BLK: variants seen among roughly 807,000 people sequenced by gnomAD.
BLK encodes the protein BLK proto-oncogene, Src family tyrosine kinase, also known as tyrosine-protein kinase Blk.
Under a neutral mutation model 61.8 loss-of-function variants are expected in BLK, and 64 were observed. That is an observed-to-expected ratio of 1.03 (90% CI 0.85 to 1.27). The LOEUF (loss-of-function observed/expected upper bound fraction) is 1.27, where lower values mean the gene tolerates loss of function less well. Ranked by LOEUF, BLK falls within the 50% of genes most tolerant of loss-of-function variation. The pLI, the probability that BLK is intolerant of heterozygous loss-of-function variation, is 0.00. For synonymous variants in BLK, 351 were observed against 272.0 expected, an observed-to-expected ratio of 1.29 and a Z score of -2.86; for missense variants, 853 against 660.5, an observed-to-expected ratio of 1.29 and a Z score of -3.19.
chr8:11,547,510 G>T (rs551451781), intron 3 of BLK, among the ~76,000 whole-genome samples: 1 of 152,226 alleles, frequency 6.6e-6, no homozygotes, highest in Non-Finnish European at 1.5e-5. Context: ...GCCCGGCAGG[G>T]TCACTGGCAG....
chr8:11,504,359 GGAAGGAAGAAAGAAAAGAAAAGA>G (rs1222171188), intron 1 of BLK, among the ~76,000 whole-genome samples: 14 of 100,424 alleles, frequency 1.4e-4, no homozygotes, highest in East Asian at 2.2e-4. Flanking sequence ...AAGGAAGGAA[GGAAGGAAGAAAGAAAAGAAAAGA>G]AAAGAAAAGA....
chr8:11,505,108 G>A (rs116431579), intron 1 of BLK, among the ~76,000 whole-genome samples: 1 of 152,000 alleles, frequency 6.6e-6, no homozygotes, highest in Non-Finnish European at 1.5e-5. Context: ...AGATACACAG[G>A]CACACATACA....
intron 1 of BLK, among the ~76,000 whole-genome samples, chr8:11,504,857 G>A (rs1036760051): frequency 4.6e-5 from 7 of 152,134 alleles, no homozygotes; most frequent in African/African-American, 1.7e-4. Flanking sequence ...AGGATTTTAC[G>A]ACAAGAAACA....
At chr8:11,541,464 G>T (rs1189777501) in intron 1 of BLK, among the ~76,000 whole-genome samples, 1 of 151,168 alleles carries the variant, frequency 6.6e-6, no homozygotes, top group Non-Finnish European at 1.5e-5. Context: ...CTAAAATTCA[G>T]TAGCCAGCCG....
intron 2 of BLK, 33 bp from the exon 3 acceptor site, chr8:11,546,019 T>G: frequency 1.2e-6 from 2 of 1,612,270 alleles, no homozygotes; most frequent in Non-Finnish European, 1.7e-6. Context: ...CAGCAGGGAC[T>G]GAAATAACTC....
At chr8:11,500,184 G>C (rs1025529030) in intron 1 of BLK, among the ~76,000 whole-genome samples, 1 of 151,998 alleles carries the variant, frequency 6.6e-6, no homozygotes, top group African/African-American at 2.4e-5. Flanking sequence ...ATTGATTTGG[G>C]GGGTGTTTGT....
intron 1 of BLK, among the ~76,000 whole-genome samples, chr8:11,504,367 GAAA>G (rs1798683286): frequency 1.8e-3 from 71 of 39,366 alleles, no homozygotes; most frequent in African/African-American, 3.8e-3. Flanking sequence ...AAGGAAGGAA[GAAA>G]GAAAAGAAAA....
chr8:11,505,524 C>G (rs1798736437), intron 1 of BLK, among the ~76,000 whole-genome samples: 1 of 152,160 alleles, frequency 6.6e-6, no homozygotes, highest in Admixed American at 6.5e-5. Flanking sequence ...CTTGTTCTCT[C>G]CTTTCTCCAA....
At chr8:11,503,026 G>A (rs1490430074) in intron 1 of BLK, among the ~76,000 whole-genome samples, 1 of 152,146 alleles carries the variant, frequency 6.6e-6, no homozygotes, top group African/African-American at 2.4e-5. Flanking sequence ...GTCCCCTTGG[G>A]CTCCTTCTCA....
At chr8:11,561,572 T>G in intron 11 of BLK, 120 bp downstream of exon 11, 1 of 1,298,410 alleles carries the variant, frequency 7.7e-7, no homozygotes, top group Non-Finnish European at 1.1e-6. Context: ...CTATACGGTT[T>G]CTACAGCTCT....
chr8:11,560,183 A>G (rs1306890476), intron 10 of BLK: 1 of 56,696 alleles, frequency 1.8e-5, no homozygotes, highest in African/African-American at 8.2e-5. Flanking sequence ...GGATGGATGC[A>G]TGGATGGATG....
At chr8:11,516,677 T>C (rs2618453) in intron 1 of BLK, among the ~76,000 whole-genome samples, 3,301 of 152,340 alleles carry the variant, frequency 0.022, 121 homozygotes, top group African/African-American at 0.076. Context: ...GGTGGAATCA[T>C]ACAGTGTTTG....
In BLK at chr8:11,511,752, C is replaced by T. The variant is rs751406275; in HGVS notation, c.-2+17161C>T. Among the ~76,000 whole-genome samples, 3 of 152,216 alleles carry T rather than the reference C, an allele frequency of 2.0e-5. No individual in the cohort carries two copies. The East Asian group carries it at 5.8e-4, about 29-fold the overall frequency. ...GAGAAAATTATATTTTCATTTTGGGCGTCTTAGATGTAGTGCAACATTCAA... is the reference window on the plus strand; with the variant it reads ...GAGAAAATTATATTTTCATTTTGGGTGTCTTAGATGTAGTGCAACATTCAA... On this transcript the variant is annotated intron_variant, in intron 1 of 12. Transcript: ENST00000259089.
At chr8:11,531,339 A>G (rs368547573) in intron 1 of BLK, among the ~76,000 whole-genome samples, 3 of 152,178 alleles carry the variant, frequency 2.0e-5, no homozygotes, top group African/African-American at 7.2e-5. Flanking sequence ...TTTTTCTTGT[A>G]TACTTTATGA....
intron 1 of BLK, among the ~76,000 whole-genome samples, chr8:11,535,525 A>AT (rs1338125903): frequency 6.6e-6 from 1 of 152,126 alleles, no homozygotes; most frequent in African/African-American, 2.4e-5. Context: ...TGTGCCTGGT[A>AT]TTTTTTTCTA....
At chr8:11,519,145 G>A (rs74397220) in intron 1 of BLK, among the ~76,000 whole-genome samples, 2,454 of 152,224 alleles carry the variant, frequency 0.016, 58 homozygotes, top group African/African-American at 0.055. Flanking sequence ...TGCCAGCTGT[G>A]GCCTCCAGCA....
intron 12 of BLK, among the ~76,000 whole-genome samples, chr8:11,563,401 C>T (rs1277225322): frequency 6.6e-6 from 1 of 152,246 alleles, no homozygotes; most frequent in African/African-American, 2.4e-5. Context: ...GGCTTGTTCT[C>T]AGTTGAGGAC....
At chr8:11,499,953 C>A (rs758154927) in intron 1 of BLK, among the ~76,000 whole-genome samples, 2 of 151,920 alleles carry the variant, frequency 1.3e-5, no homozygotes, top group African/African-American at 2.4e-5. Context: ...GGTCTCAAAT[C>A]TTTTCTGGAA....
At chr8:11,520,949 A>G (rs528365697) in intron 1 of BLK, among the ~76,000 whole-genome samples, 1 of 152,370 alleles carries the variant, frequency 6.6e-6, no homozygotes, top group African/African-American at 2.4e-5. Flanking sequence ...TGAATGCAGG[A>G]ATTCATAGCT....
Sources: gnomAD v4.1 joint callset for allele counts (sites outside exome capture counted in the v4.1 genomes callset) on GRCh38, gnomAD v4.1.1 for gene constraint, MANE v1.5 for transcripts, NCBI Gene and HGNC (gene_info 2026-07-23, HGNC 2026-07-21) for gene names.